RABGAP1L: variants seen among roughly 807,000 people sequenced by gnomAD.
RABGAP1L encodes the protein RAB GTPase activating protein 1 like.
Under a neutral mutation model 137.7 loss-of-function variants are expected in RABGAP1L, and 63 were observed. The observed-to-expected ratio is 0.46, with a 90% CI of 0.37 to 0.56. The LOEUF (loss-of-function observed/expected upper bound fraction) is 0.56, where lower values mean the gene tolerates loss of function less well. Ranked by LOEUF, RABGAP1L falls within the 20% of genes least tolerant of loss-of-function variation. RABGAP1L has a pLI of 0.00. For synonymous variants in RABGAP1L, 431 were observed against 433.7 expected, an observed-to-expected ratio of 0.99 and a Z score of 0.08; for missense variants, 1,095 against 1,244.0, an observed-to-expected ratio of 0.88 and a Z score of 1.80.
In RABGAP1L at chr1:174,501,839, T is replaced by A. The variant is rs1661302208; in HGVS notation, c.1710+107694T>A. ...GGGAAAAAAATACCCATTTAGAGAA[T>A]ATTTGATATGGCATATATGCTCTCT... On this transcript the variant is annotated intron_variant, in intron 13 of 25. Coordinates refer to ENST00000681986, the MANE Select transcript of RABGAP1L (RefSeq NM_001366446.1). Among the ~76,000 whole-genome samples, 5 of 151,986 alleles carry A rather than the reference T, an allele frequency of 3.3e-5. No individual in the cohort carries two copies. The South Asian group carries it at 1.0e-3, about 31-fold the overall frequency.
At chr1:174,877,341 T>A in intron 19 of RABGAP1L, 1 of 1,276,994 alleles carries the variant, frequency 7.8e-7, no homozygotes. Context: ...TTTTTTTTTC[T>A]TTCTCTTTCT....
chr1:174,272,027 G>A (rs4652294), intron 7 of RABGAP1L, among the ~76,000 whole-genome samples: 1 of 151,542 alleles, frequency 6.6e-6, no homozygotes, highest in Admixed American at 6.6e-5. Flanking sequence ...TAAAAACCTC[G>A]TTTTTGGTTT....
At chr1:174,216,259 A>G (rs1488101641) in intron 1 of RABGAP1L, among the ~76,000 whole-genome samples, 1 of 152,172 alleles carries the variant, frequency 6.6e-6, no homozygotes, top group Non-Finnish European at 1.5e-5. Context: ...GGGTGAATGT[A>G]GTCAATTTAA....
chr1:174,205,452 T>C (rs879705321), intron 1 of RABGAP1L, among the ~76,000 whole-genome samples: 2 of 152,104 alleles, frequency 1.3e-5, no homozygotes, highest in Admixed American at 1.3e-4. Context: ...TTATTACTGA[T>C]TCAATTTTGG....
chr1:174,292,125 ACTC>A (rs1211817474), intron 10 of RABGAP1L, among the ~76,000 whole-genome samples: 2 of 148,862 alleles, frequency 1.3e-5, no homozygotes, highest in Admixed American at 6.7e-5. Flanking sequence ...GTAGTGTTGA[ACTC>A]CTGGGCTCAA....
intron 1 of RABGAP1L, among the ~76,000 whole-genome samples, chr1:174,163,413 G>A (rs548307776): frequency 4.1e-4 from 63 of 152,120 alleles, no homozygotes; most frequent in African/African-American, 1.3e-3. Flanking sequence ...AAGTTTATGC[G>A]CATGCTAACT....
At chr1:174,357,611 T>C (rs1683748110) in intron 11 of RABGAP1L, among the ~76,000 whole-genome samples, 1 of 152,214 alleles carries the variant, frequency 6.6e-6, no homozygotes, top group Admixed American at 6.5e-5. Context: ...ATATGTATTA[T>C]AGTAGAAGTC....
chr1:174,989,811 CATTT>C (rs1348647975), intron 25 of RABGAP1L, 34 bp from the exon 26 acceptor site: 11 of 1,536,736 alleles, frequency 7.2e-6, no homozygotes, highest in African/African-American at 6.9e-5. Context: ...AAAGAGAAAA[CATTT>C]ATTTAACTCA....
intron 14 of RABGAP1L, among the ~76,000 whole-genome samples, chr1:174,652,460 G>T (rs960370707): frequency 3.3e-5 from 5 of 152,182 alleles, no homozygotes. Flanking sequence ...GGTCTTTGAT[G>T]TTGGTAACCT....
At chr1:174,550,895 TACAC>T (rs1395408033) in intron 13 of RABGAP1L, among the ~76,000 whole-genome samples, 1,322 of 50,776 alleles carry the variant, frequency 0.026, 153 homozygotes, top group African/African-American at 0.12. Context: ...TATATATATA[TACAC>T]ACACACATAT....
At chr1:174,256,719 C>T (rs1380697654) in intron 7 of RABGAP1L, among the ~76,000 whole-genome samples, 2 of 152,064 alleles carry the variant, frequency 1.3e-5, no homozygotes, top group Non-Finnish European at 2.9e-5. Context: ...AAGTGGTGGT[C>T]GCAGTGAGCC....
At chr1:174,986,291 T>C (rs1456517248) in intron 24 of RABGAP1L, among the ~76,000 whole-genome samples, 1 of 152,084 alleles carries the variant, frequency 6.6e-6, no homozygotes, top group Non-Finnish European at 1.5e-5. Flanking sequence ...ATCACACCCA[T>C]ACTCTATGGC....
intron 18 of RABGAP1L, among the ~76,000 whole-genome samples, chr1:174,769,919 T>C (rs1270443229): frequency 1.3e-5 from 2 of 152,192 alleles, no homozygotes; most frequent in Non-Finnish European, 2.9e-5. Flanking sequence ...TCCCTAGTCT[T>C]TGATGTACCA....
chr1:174,265,454 G>A lies in RABGAP1L; in HGVS notation c.987-6960G>A, dbSNP rs556714202. 2.6e-5 allele frequency among the ~76,000 whole-genome samples: 4 copies of A among 151,574 alleles called. No individual in the cohort carries two copies. The East Asian group carries it at 7.8e-4, about 29-fold the overall frequency. ...TTAGTAAAAGTACTCATATTTGGTG[G>A]GAGGATGGCTTGAATCAGGAAGTGG... On this transcript the variant is annotated intron_variant, in intron 7 of 25. Transcript: ENST00000681986.
intron 13 of RABGAP1L, among the ~76,000 whole-genome samples, chr1:174,612,486 A>C (rs974066468): frequency 6.6e-6 from 1 of 152,196 alleles, no homozygotes; most frequent in South Asian, 2.1e-4. Flanking sequence ...TTTTGCATCA[A>C]TGTTCACCAA....
intron 23 of RABGAP1L, among the ~76,000 whole-genome samples, chr1:174,982,252 T>G (rs774489299): frequency 1.3e-5 from 2 of 152,144 alleles, no homozygotes; most frequent in Non-Finnish European, 2.9e-5. Context: ...TCACCTACAT[T>G]AGGTATTTCT....
At chr1:174,640,204 A>C (rs1353162769) in intron 14 of RABGAP1L, among the ~76,000 whole-genome samples, 2 of 152,080 alleles carry the variant, frequency 1.3e-5, no homozygotes, top group Non-Finnish European at 2.9e-5. Context: ...TTGGTTTGTG[A>C]TTGACCCGGT....
intron 19 of RABGAP1L, among the ~76,000 whole-genome samples, chr1:174,954,447 TTAATA>T (rs761848388): frequency 1.3e-5 from 2 of 152,204 alleles, no homozygotes; most frequent in South Asian, 4.1e-4. Flanking sequence ...AATGAACCTC[TTAATA>T]TAAGTAGCAA....
At chr1:174,385,190 A>C (rs927108969) in intron 12 of RABGAP1L, among the ~76,000 whole-genome samples, 4 of 152,220 alleles carry the variant, frequency 2.6e-5, no homozygotes, top group African/African-American at 9.6e-5. Flanking sequence ...GGCTGGTAGC[A>C]GAGGGTGACA....
Sources: allele counts gnomAD v4.1 joint callset (sites outside exome capture counted in the v4.1 genomes callset), GRCh38; gene constraint gnomAD v4.1.1; transcripts MANE v1.5; gene names NCBI Gene and HGNC (gene_info 2026-07-23, HGNC 2026-07-21).